The following GSN variants were observed in gnomAD, a reference collection of about 807,000 sequenced individuals.
The protein encoded by GSN is actin-depolymerizing factor.
A neutral mutation model predicts 85.7 loss-of-function variants in GSN; 56 were observed. The ratio of observed to expected loss-of-function variants is 0.65; its 90% CI spans 0.53 to 0.82. The LOEUF is 0.82. Among genes scored for constraint, GSN ranks in the 40% least tolerant of loss-of-function variants. GSN has a pLI of 0.00. For synonymous variants in GSN, 373 were observed against 399.1 expected (o/e 0.93, Z 0.78); for missense variants, 857 against 979.8 (o/e 0.87, Z 1.67).
At chr9:121,316,538 A>G (rs1239819809) in intron 7 of GSN, among the ~76,000 whole-genome samples, 1 of 152,128 alleles carries the variant, frequency 6.6e-6, no homozygotes, top group Non-Finnish European at 1.5e-5. Context: ...TGACGCAATC[A>G]TAGCTCACTA....
chr9:121,223,114 C>T (rs1490436766), intron 4 of GSN: 1 of 152,092 alleles, frequency 6.6e-6, no homozygotes. Flanking sequence ...CGTTACACTC[C>T]GCCATTTTGC....
chr9:121,236,664 C>T (rs899624521), intron 5 of GSN, among the ~76,000 whole-genome samples: 4 of 152,136 alleles, frequency 2.6e-5, no homozygotes, highest in African/African-American at 4.8e-5. Context: ...TGCTATTGCA[C>T]CTGAGTAACA....
Position 121,316,960 on chromosome 9 carries a change from G to A in GSN, c.754-126G>A, listed in dbSNP as rs920109471. On this transcript the variant is annotated intron_variant, in intron 7 of 17. Transcript: ENST00000432226. ...CGAAAAAGAACCTCTAAATGTGTGCGAGAGGAAGCCCAGGTGTTACTCTAC... is the reference window on the plus strand; with the variant it reads ...CGAAAAAGAACCTCTAAATGTGTGCAAGAGGAAGCCCAGGTGTTACTCTAC... 1.2e-5 allele frequency: 14 copies of A among 1,190,794 alleles called. No homozygotes were observed. In the African/African-American group the frequency reaches 1.8e-4, roughly 15 times the overall value. The allele number at this position is 1,190,794 out of a possible 1,614,324, so 73.8% of individuals were successfully genotyped here. A position where few individuals can be genotyped will look rare whatever the true frequency, so the allele number is the denominator to read the frequency against.
chr9:121,224,581 G>C (rs921289691), intron 4 of GSN, among the ~76,000 whole-genome samples: 2 of 151,746 alleles, frequency 1.3e-5, no homozygotes, highest in African/African-American at 4.8e-5. Context: ...TTCTCTCCAG[G>C]GTTTCTGGCT....
intron 5 of GSN, among the ~76,000 whole-genome samples, chr9:121,231,683 G>A (rs772450260): frequency 9.2e-5 from 14 of 152,188 alleles, no homozygotes; most frequent in Non-Finnish European, 1.9e-4. Flanking sequence ...TACAGTATGA[G>A]CTCTCGTGGT....
rs1421284390 is a variant in GSN, at chr9:121,219,224, A to G, written c.-528+8357A>G. On this transcript the variant is annotated intron_variant, in intron 4 of 24. Transcript: ENST00000373823. ...CCCGGTCTCCTGACTCAGTTCCCCA[A>G]AACACACCAAATACCAGAAGGTTCA... Among the ~76,000 whole-genome samples the G allele has an allele frequency of 3.3e-5, 5 of 151,190 alleles. No individual in the cohort carries two copies. In the East Asian group the frequency reaches 9.7e-4, roughly 29 times the overall value.
Position 121,273,474 on chromosome 9 carries a change from C to G in GSN, c.-103+5255C>G, listed in dbSNP as rs185656124. Among the ~76,000 whole-genome samples the G allele has an allele frequency of 1.2e-4, 18 of 152,170 alleles. No individual in the cohort carries two copies. The East Asian group carries it at 3.5e-3, about 29-fold the overall frequency. On this transcript the variant is annotated intron_variant, in intron 1 of 17. Coordinates refer to ENST00000432226, the MANE Select transcript of GSN (RefSeq NM_198252.3). ...CCCACCTCCAAGGACCTTTTCCCCC[C>G]ACCCTTATTATTTCTATTACACTTG...
intron 5 of GSN, chr9:121,239,288 C>T (rs1270326455): frequency 3.6e-5 from 14 of 387,970 alleles, no homozygotes; most frequent in Admixed American, 1.3e-4. Context: ...GCCAGAAATT[C>T]GGCTGTGGTT....
In GSN at chr9:121,321,261, C is replaced by T. The variant is rs1279226253; in HGVS notation, c.1192-7C>T. On this transcript the variant is annotated splice_polypyrimidine_tract_variant and splice_region_variant and intron_variant, in intron 10 of 17. Transcript: ENST00000432226. ...CACAGCATCTGACTCCAGCTTTGCT[C>T]CTGCAGATCTGGAGAATCGAAGGTT... 8 of 1,613,856 alleles carry T rather than the reference C, an allele frequency of 5.0e-6. No homozygotes were observed. In the East Asian group the frequency reaches 1.1e-4, roughly 22 times the overall value.
At chr9:121,255,594 T>C (rs2054938138) in intron 6 of GSN, among the ~76,000 whole-genome samples, 1 of 152,170 alleles carries the variant, frequency 6.6e-6, no homozygotes, top group South Asian at 2.1e-4. Flanking sequence ...TCCATACACA[T>C]AAAAATATAG....
At chr9:121,321,504 A>T in intron 11 of GSN, 103 bp downstream of exon 11, 1 of 1,113,764 alleles carries the variant, frequency 9.0e-7, no homozygotes, top group Non-Finnish European at 1.3e-6. Context: ...TGGGACCACC[A>T]CTCCCTGCTG....
At chr9:121,234,255 A>G (rs971737495) in intron 5 of GSN, among the ~76,000 whole-genome samples, 6 of 152,222 alleles carry the variant, frequency 3.9e-5, no homozygotes, top group Non-Finnish European at 5.9e-5. Context: ...TTGGGTGGCC[A>G]TGCACCCAGC....
chr9:121,235,515 G>C (rs753127213), intron 5 of GSN, among the ~76,000 whole-genome samples: 93 of 152,196 alleles, frequency 6.1e-4, no homozygotes, highest in Non-Finnish European at 1.3e-3. Context: ...GGATCACTTG[G>C]AGGAAAAGCT....
chr9:121,257,079 A>G (rs1399077350), intron 6 of GSN, among the ~76,000 whole-genome samples: 1 of 152,238 alleles, frequency 6.6e-6, no homozygotes, highest in South Asian at 2.1e-4. Context: ...TACACATTGT[A>G]TATGCATGTG....
chr9:121,324,612 C>A lies in GSN; in HGVS notation c.1384C>A (p.Leu462Met). Reference protein sequence around the residue: ...VAASAILTAQLDEELGGTPVQ... With the variant: ...VAASAILTAQMDEELGGTPVQ... ...TGCATCTGCCATCCTGACTGCTCAG[C>A]TGGATGAGGAGCTGGGAGGTACCCC... is the stretch of plus-strand genomic sequence containing the variant. Residue 462 changes from leucine (L) to methionine (M), a missense_variant, in exon 12 of 18, where the codon CTG becomes ATG. By Grantham distance (15) the Leu-to-Met change is conservative (BLOSUM62 2). Transcript: ENST00000432226. 1 of 1,545,036 alleles carries A rather than the reference C, an allele frequency of 6.5e-7. No homozygotes were observed. The highest frequency in any genetic ancestry group is 8.7e-7 in the Non-Finnish European group (1 of 1,142,994).
At chr9:121,272,755 C>T (rs933013716) in intron 1 of GSN, among the ~76,000 whole-genome samples, 4 of 152,128 alleles carry the variant, frequency 2.6e-5, no homozygotes, top group Admixed American at 6.5e-5. Context: ...AACAGATCTA[C>T]GAGGGGAGAG....
intron 2 of GSN, among the ~76,000 whole-genome samples, chr9:121,291,339 T>G (rs534653527): frequency 6.6e-6 from 1 of 152,070 alleles, no homozygotes; most frequent in South Asian, 2.1e-4. Flanking sequence ...TTTTGGTATC[T>G]GAGGGAGGTC....
intron 11 of GSN, among the ~76,000 whole-genome samples, chr9:121,322,238 G>T (rs144952961): frequency 6.6e-6 from 1 of 151,758 alleles, no homozygotes; most frequent in African/African-American, 2.4e-5. Flanking sequence ...AAATACATAT[G>T]CAAATAATTT....
intron 5 of GSN, among the ~76,000 whole-genome samples, chr9:121,235,441 G>A (rs1008611842): frequency 5.3e-5 from 8 of 152,284 alleles, no homozygotes; most frequent in Admixed American, 2.0e-4. Context: ...AGGGCTGGTC[G>A]TTCCTATTCT....
Sources: gnomAD v4.1 joint callset for allele counts (sites outside exome capture counted in the v4.1 genomes callset) on GRCh38, gnomAD v4.1.1 for gene constraint, MANE v1.5 for transcripts, NCBI Gene and HGNC (gene_info 2026-07-23, HGNC 2026-07-21) for gene names.